The following IL18R1 variants were observed in gnomAD, a reference collection of about 807,000 sequenced individuals.
IL18R1 encodes interleukin 18 receptor 1.
Under a neutral mutation model 48.5 loss-of-function variants are expected in IL18R1, and 40 were observed. The observed-to-expected ratio is 0.82, with a 90% CI of 0.64 to 1.07. The LOEUF (loss-of-function observed/expected upper bound fraction) is 1.07, where lower values mean the gene tolerates loss of function less well. Among genes scored for constraint, IL18R1 ranks in the 50% least tolerant of loss-of-function variants. The pLI is 0.00. For synonymous variants in IL18R1, 232 were observed against 225.9 expected (o/e 1.03, Z -0.24); for missense variants, 596 against 633.7 (o/e 0.94, Z 0.64).
chr2:102,390,643 C>T (rs945406111), intron 9 of IL18R1, among the ~76,000 whole-genome samples: 1 of 152,084 alleles, frequency 6.6e-6, no homozygotes, highest in African/African-American at 2.4e-5. Context: ...CGTGTAAGAA[C>T]CCCCAGCTGG....
In IL18R1 at chr2:102,359,142, G is replaced by A. The variant is rs186081328; in HGVS notation, c.-29+2742G>A. ...CATTATAAGCTAGTGTCAGCAAACC[G>A]TAGGGGAAATACAGGATTATTTAAT... is the stretch of plus-strand genomic sequence containing the variant. On this transcript the variant is annotated intron_variant, in intron 1 of 10. Transcript: ENST00000233957. Among the ~76,000 whole-genome samples, 472 of 152,252 alleles carry A rather than the reference G, an allele frequency of 3.1e-3. 3 individuals are homozygous for A. The highest frequency in any genetic ancestry group is 4.0e-3 in the Non-Finnish European group (270 of 68,018).
intron 8 of IL18R1, 127 bp downstream of exon 8, chr2:102,387,127 C>G (rs183837886): frequency 1.0e-6 from 1 of 978,972 alleles, no homozygotes; most frequent in Non-Finnish European, 1.5e-6. Flanking sequence ...TCAGTCACCT[C>G]ATGTCACAGG....
rs1317095487 is a variant in IL18R1 at position 102,385,009 on chromosome 2, G to C, written c.809+11G>C. On this transcript the variant is annotated intron_variant, in intron 7 of 10. Transcript: ENST00000233957. ...AGAAATGAGAATTATGTATGTATGT[G>C]TAATATATATGTCATGATATATACC... The C allele has an allele frequency of 6.4e-6, 9 of 1,416,070 alleles. No homozygotes were observed. Among genetic ancestry groups the C allele is most frequent in the Non-Finnish European group, 8.0e-6 (8 of 1,003,560 alleles). 87.7% of individuals were successfully genotyped at this position (1,416,070 alleles called of 1,614,324 possible).
chr2:102,390,133 TG>T lies in IL18R1; in HGVS notation c.1028del (p.Cys343SerfsTer2), dbSNP rs1473631408. On this transcript the variant is annotated frameshift_variant, in exon 9 of 11. Coordinates refer to ENST00000233957, the MANE Select transcript of IL18R1 (RefSeq NM_003855.5). LOFTEE classifies it high-confidence loss of function. ...IAVLILVAVVCLVTVCVIYRV... is the reference protein window; with the variant it reads ...IAVLILVAVVXLVTVCVIYRV... ...TGTTTTGATCTTGGTGGCAGTAGTG[TG>T]CCTAGTGACTGTGTGTGTCATTTAT... 19 of 1,614,092 alleles carry T rather than the reference TG, an allele frequency of 1.2e-5. No individual in the cohort carries two copies. The highest frequency in any genetic ancestry group is 1.5e-5 in the Non-Finnish European group (18 of 1,179,936).
intron 1 of IL18R1, among the ~76,000 whole-genome samples, chr2:102,358,913 T>A (rs1273132664): frequency 1.3e-5 from 2 of 152,044 alleles, no homozygotes; most frequent in Non-Finnish European, 2.9e-5. Flanking sequence ...ATTCAGCAAA[T>A]AACAAAGAAA....
intron 2 of IL18R1, among the ~76,000 whole-genome samples, chr2:102,367,157 A>C (rs1327433256): frequency 2.0e-5 from 3 of 152,324 alleles, no homozygotes; most frequent in Non-Finnish European, 4.4e-5. Context: ...TATATTTCCA[A>C]AGCCAGAGAA....
intron 1 of IL18R1, among the ~76,000 whole-genome samples, chr2:102,361,912 T>C (rs1241644798): frequency 6.6e-6 from 1 of 152,166 alleles, no homozygotes; most frequent in Non-Finnish European, 1.5e-5. Flanking sequence ...ACACAGTCAA[T>C]GTAAAGGAGG....
intron 2 of IL18R1, among the ~76,000 whole-genome samples, chr2:102,366,482 G>C (rs1297845328): frequency 6.6e-6 from 1 of 152,104 alleles, no homozygotes; most frequent in East Asian, 1.9e-4. Flanking sequence ...TCTTCAAACT[G>C]TTCCAACTGT....
At chr2:102,382,057 G>A (rs1373786155) in intron 6 of IL18R1, among the ~76,000 whole-genome samples, 2 of 152,112 alleles carry the variant, frequency 1.3e-5, no homozygotes, top group African/African-American at 4.8e-5. Flanking sequence ...TGAATCACTT[G>A]AGGTCAGGAG....
intron 1 of IL18R1, among the ~76,000 whole-genome samples, chr2:102,358,318 T>C (rs1238065639): frequency 6.6e-6 from 1 of 150,790 alleles, no homozygotes; most frequent in Non-Finnish European, 1.5e-5. Flanking sequence ...AGGTGACTGT[T>C]TGGACCCTCT....
At chr2:102,357,722 G>A (rs973414620) in intron 1 of IL18R1, among the ~76,000 whole-genome samples, 1 of 152,118 alleles carries the variant, frequency 6.6e-6, no homozygotes, top group Non-Finnish European at 1.5e-5. Flanking sequence ...AAGTGGGGAG[G>A]GTGGCCCAGG....
intron 8 of IL18R1, 101 bp from the exon 9 acceptor site, chr2:102,389,955 T>C: frequency 8.9e-7 from 1 of 1,123,266 alleles, no homozygotes; most frequent in Non-Finnish European, 1.3e-6. Flanking sequence ...TGGCAACTAC[T>C]GCATTAGTGT....
In IL18R1 at chr2:102,356,197, C is replaced by T; in HGVS notation, c.-232C>T. The T allele has an allele frequency of 3.9e-6, 1 of 254,432 alleles. No homozygotes were observed. Among genetic ancestry groups the T allele is most frequent in the Non-Finnish European group, 6.0e-6 (1 of 165,538 alleles). The allele number at this position is 254,432 out of a possible 1,614,324, so 15.8% of individuals were successfully genotyped here. A position where few individuals can be genotyped will look rare whatever the true frequency, so the allele number is the denominator to read the frequency against. ...TCTTCTTTCTGTTCCTACTTTTTTT[C>T]CTTCTTCTTCTTTTTTTTTTTTTTT... On this transcript the variant is annotated 5_prime_UTR_variant, in exon 1 of 11. Transcript: ENST00000233957.
At chr2:102,359,585 A>G (rs1678457606) in intron 1 of IL18R1, among the ~76,000 whole-genome samples, 4 of 152,226 alleles carry the variant, frequency 2.6e-5, no homozygotes, top group African/African-American at 9.6e-5. Context: ...TACCCAAAGA[A>G]ATGCAAATTC....
chr2:102,371,883 A>G (rs980567728), intron 3 of IL18R1, 70 bp from the exon 4 acceptor site: 19 of 832,028 alleles, frequency 2.3e-5, no homozygotes, highest in Non-Finnish European at 3.5e-5. Flanking sequence ...CTGGTTACTA[A>G]AGGGAAGATG....
rs1573172913 is a variant in IL18R1, at chr2:102,356,306, C to T, written c.-123C>T. On this transcript the variant is annotated 5_prime_UTR_variant, in exon 1 of 11. Coordinates refer to ENST00000233957, the MANE Select transcript of IL18R1 (RefSeq NM_003855.5). ...AGTCAGGAGGCGGAGATCGCTGCTTCTCACCTACTTTCTGAACTTGGCCTC... is the reference window on the plus strand; with the variant it reads ...AGTCAGGAGGCGGAGATCGCTGCTTTTCACCTACTTTCTGAACTTGGCCTC... 1.0e-6 allele frequency: 1 copy of T among 982,446 alleles called. No homozygotes were observed. Among genetic ancestry groups the T allele is most frequent in the East Asian group, 1.1e-4 (1 of 8,704 alleles). The allele number at this position is 982,446 out of a possible 1,614,324, so 60.9% of individuals were successfully genotyped here. A position where few individuals can be genotyped will look rare whatever the true frequency, so the allele number is the denominator to read the frequency against.
intron 4 of IL18R1, among the ~76,000 whole-genome samples, chr2:102,373,480 G>T (rs1224508675): frequency 6.6e-6 from 1 of 152,026 alleles, no homozygotes; most frequent in African/African-American, 2.4e-5. Context: ...GAGGGTAGGG[G>T]ATGTATAGCA....
chr2:102,374,827 T>A (rs1447137600), intron 4 of IL18R1, among the ~76,000 whole-genome samples: 1 of 151,862 alleles, frequency 6.6e-6, no homozygotes, highest in Non-Finnish European at 1.5e-5. Flanking sequence ...ATTATGAGCA[T>A]TGGTGCACCA....
At position 102,396,831 on chromosome 2, in the gene IL18R1, C is replaced by G; in HGVS notation, c.1571C>G (p.Thr524Arg). ...CTTCTTTACTTAATGCCTGCAAAAA[C>G]AGTCAAGCCAGGTAGAGACGAACCG... ...KNLLYLMPAK[T>R]VKPGRDEPEV... is the part of the protein sequence containing the mutation. Residue 524 changes from threonine (T) to arginine (R), a missense_variant, in exon 11 of 11, where the codon ACA becomes AGA. Around this residue, in one of 3 missense-constraint regions of IL18R1, gnomAD observed 179 missense variants for 206.1 expected, o/e 0.87. Transcript: ENST00000233957. 6.2e-7 allele frequency: 1 copy of G among 1,611,338 alleles called. No homozygotes were observed. Among genetic ancestry groups the G allele is most frequent in the Non-Finnish European group, 8.5e-7 (1 of 1,179,294 alleles).
Sources: gnomAD v4.1 joint callset for allele counts (sites outside exome capture counted in the v4.1 genomes callset) on GRCh38, gnomAD v4.1.1 for gene constraint, gnomAD v4.1.1 regional missense constraint, MANE v1.5 for transcripts, NCBI Gene and HGNC (gene_info 2026-07-23, HGNC 2026-07-21) for gene names.